TMEM132B: variants seen among roughly 807,000 people sequenced by gnomAD.
TMEM132B encodes transmembrane protein 132B.
In TMEM132B, 18 loss-of-function variants were observed where a neutral mutation model predicts 90.8. That is an observed-to-expected ratio of 0.20 (90% CI 0.14 to 0.29). The LOEUF is 0.29. TMEM132B is among the 10% of genes least tolerant of loss of function. The pLI, the probability that TMEM132B is intolerant of heterozygous loss-of-function variation, is 1.00. For synonymous variants in TMEM132B, 504 were observed against 523.3 expected, an observed-to-expected ratio of 0.96 and a Z score of 0.50; for missense variants, 1,096 against 1,326.8, an observed-to-expected ratio of 0.83 and a Z score of 2.70.
At chr12:125,634,537 C>T (rs1886438130) in intron 5 of TMEM132B, among the ~76,000 whole-genome samples, 1 of 152,212 alleles carries the variant, frequency 6.6e-6, no homozygotes, top group Admixed American at 6.5e-5. Flanking sequence ...TGAGTTTCAC[C>T]TGAAGCCAGC....
intron 2 of TMEM132B, among the ~76,000 whole-genome samples, chr12:125,371,793 A>G (rs1878298982): frequency 6.6e-6 from 1 of 152,200 alleles, no homozygotes; most frequent in African/African-American, 2.4e-5. Flanking sequence ...CAGAGATGCA[A>G]GCTGCACTTT....
At chr12:125,609,502 G>A (rs79445200) in intron 5 of TMEM132B, among the ~76,000 whole-genome samples, 1 of 151,688 alleles carries the variant, frequency 6.6e-6, no homozygotes, top group Non-Finnish European at 1.5e-5. Flanking sequence ...TTGGGGGGTG[G>A]TATTGCCACC....
rs538628349 is a variant in TMEM132B, at chr12:125,445,754, C to T, written c.1106+30077C>T. Among the ~76,000 whole-genome samples, 2 of 152,300 alleles carry T rather than the reference C, an allele frequency of 1.3e-5. No individual in the cohort carries two copies. Among genetic ancestry groups the T allele is most frequent in the Admixed American group, 1.3e-4 (2 of 15,308 alleles). On this transcript the variant is annotated intron_variant, in intron 3 of 8. Coordinates refer to ENST00000682704, the MANE Select transcript of TMEM132B (RefSeq NM_001366854.1). This position sits in a 1 kb window ranked among gnomAD's most constrained non-coding sequence, Gnocchi z 4.3. ...CCTTGTGCTGCCCTGACACCCTCTGCTTACCCCACCAGCCTGCACCGCGGA... is the reference window on the plus strand; with the variant it reads ...CCTTGTGCTGCCCTGACACCCTCTGTTTACCCCACCAGCCTGCACCGCGGA...
At chr12:125,543,703 A>T (rs549807797) in intron 4 of TMEM132B, among the ~76,000 whole-genome samples, 2 of 152,326 alleles carry the variant, frequency 1.3e-5, no homozygotes, top group East Asian at 1.9e-4. Context: ...TAAACATCAG[A>T]TGCTGGCGAG....
At chr12:125,439,145 T>TC (rs959239519) in intron 3 of TMEM132B, among the ~76,000 whole-genome samples, 14 of 115,418 alleles carry the variant, frequency 1.2e-4, no homozygotes, top group Non-Finnish European at 1.8e-4. Flanking sequence ...CTGTTCAGGC[T>TC]CTTTTTTTTT....
chr12:125,187,186 C>T (rs148637702), intron 1 of TMEM132B, among the ~76,000 whole-genome samples: 1 of 152,340 alleles, frequency 6.6e-6, no homozygotes, highest in East Asian at 1.9e-4. Context: ...CCCCGCCCTG[C>T]CTTGGGCCAA....
chr12:125,606,502 CAT>C (rs1362145553), intron 5 of TMEM132B, among the ~76,000 whole-genome samples: 2 of 152,188 alleles, frequency 1.3e-5, no homozygotes, highest in Non-Finnish European at 2.9e-5. Context: ...CCAGAATGCA[CAT>C]GTGTGCATGT....
intron 2 of TMEM132B, among the ~76,000 whole-genome samples, chr12:125,405,182 G>A (rs1879430216): frequency 6.6e-6 from 1 of 152,220 alleles, no homozygotes; most frequent in African/African-American, 2.4e-5. Context: ...GATGTCCGTA[G>A]GGTTGAGAAA....
At chr12:125,503,605 G>A (rs974344261) in intron 3 of TMEM132B, among the ~76,000 whole-genome samples, 3 of 152,214 alleles carry the variant, frequency 2.0e-5, no homozygotes, top group Non-Finnish European at 4.4e-5. Context: ...GTGTGAACTC[G>A]ATGTCCCTTT....
chr12:125,397,580 T>C (rs1328532491), intron 2 of TMEM132B, among the ~76,000 whole-genome samples: 1 of 152,176 alleles, frequency 6.6e-6, no homozygotes, highest in Non-Finnish European at 1.5e-5. Context: ...TCCTGCCAAG[T>C]GTTGGTCATG....
Position 125,658,049 on chromosome 12 carries a change from C to T in TMEM132B, c.*3339C>T, listed in dbSNP as rs1887111638. ...ATAGAAGGTTACCCTGGAAAAACAA[C>T]ACCTAGCAAACCTCAGAATACTCCA... On this transcript the variant is annotated 3_prime_UTR_variant, in exon 9 of 9. Coordinates refer to ENST00000682704, the MANE Select transcript of TMEM132B (RefSeq NM_001366854.1). 1 of 152,222 alleles carries T rather than the reference C, an allele frequency of 6.6e-6. No individual in the cohort carries two copies. The highest frequency in any genetic ancestry group is 1.5e-5 in the Non-Finnish European group (1 of 68,054). The allele number at this position is 152,222 out of a possible 1,614,324, so 9.4% of individuals were successfully genotyped here. A position where few individuals can be genotyped will look rare whatever the true frequency, so the allele number is the denominator to read the frequency against.
At chr12:125,193,407 CTCCAGGGCTTGTGT>C (rs1236985090) in intron 1 of TMEM132B, among the ~76,000 whole-genome samples, 1 of 152,186 alleles carries the variant, frequency 6.6e-6, no homozygotes. Flanking sequence ...TGCCTGTGAT[CTCCAGGGCTTGTGT>C]TCTAGGGCAG....
chr12:125,553,764 C>T (rs1229055593), intron 4 of TMEM132B, among the ~76,000 whole-genome samples: 1 of 152,234 alleles, frequency 6.6e-6, no homozygotes, highest in African/African-American at 2.4e-5. Flanking sequence ...ATTTGCTAAT[C>T]TCCCTTTGTA....
Position 125,660,461 on chromosome 12 carries a change from TC to T in TMEM132B, c.*5753del, listed in dbSNP as rs1887183791. ...CATTTGAAATTTTTTGGTATTGAAATCCTTAATGCCTGTTAGTTTCTTTATG... is the reference window on the plus strand; with the variant it reads ...CATTTGAAATTTTTTGGTATTGAAATCTTAATGCCTGTTAGTTTCTTTATG... On this transcript the variant is annotated 3_prime_UTR_variant, in exon 9 of 9. Coordinates refer to ENST00000682704, the MANE Select transcript of TMEM132B (RefSeq NM_001366854.1). The T allele has an allele frequency of 6.6e-6, 1 of 152,206 alleles. No homozygotes were observed. Among genetic ancestry groups the T allele is most frequent in the African/African-American group, 2.4e-5 (1 of 41,458 alleles). The allele number at this position is 152,206 out of a possible 1,614,324, so 9.4% of individuals were successfully genotyped here. A position where few individuals can be genotyped will look rare whatever the true frequency, so the allele number is the denominator to read the frequency against.
chr12:125,573,183 A>G (rs573474966), intron 4 of TMEM132B, among the ~76,000 whole-genome samples: 2 of 152,280 alleles, frequency 1.3e-5, no homozygotes, highest in South Asian at 4.1e-4. Flanking sequence ...GGGGTGTTAT[A>G]TCTAAGCCCT....
chr12:125,436,381 C>T lies in TMEM132B; in HGVS notation c.1106+20704C>T, dbSNP rs898584461. Among the ~76,000 whole-genome samples the T allele has an allele frequency of 8.5e-5, 13 of 152,078 alleles. No individual in the cohort carries two copies. In the South Asian group the frequency reaches 1.5e-3, roughly 17 times the overall value. On this transcript the variant is annotated intron_variant, in intron 3 of 8. Coordinates refer to ENST00000682704, the MANE Select transcript of TMEM132B (RefSeq NM_001366854.1). ...TGGAATCGTACCTCTTCCCCTGTAC[C>T]ACACACACAGGCTTATTTGGAAACA...
At chr12:125,520,902 T>C (rs1883290918) in intron 4 of TMEM132B, among the ~76,000 whole-genome samples, 1 of 152,216 alleles carries the variant, frequency 6.6e-6, no homozygotes, top group African/African-American at 2.4e-5. Flanking sequence ...CATTTAGTTT[T>C]TGAAGATTAG....
At chr12:125,314,787 C>T (rs1876218984) in intron 1 of TMEM132B, among the ~76,000 whole-genome samples, 1 of 152,166 alleles carries the variant, frequency 6.6e-6, no homozygotes, top group Non-Finnish European at 1.5e-5. Context: ...TCTAGGTTGC[C>T]TGGCCTGTTC....
chr12:125,515,347 C>G (rs773607361), intron 3 of TMEM132B, among the ~76,000 whole-genome samples: 1 of 150,950 alleles, frequency 6.6e-6, no homozygotes, highest in Non-Finnish European at 1.5e-5. Flanking sequence ...TTCTGTCACA[C>G]TCACACACAC....
Sources: allele counts gnomAD v4.1 joint callset (sites outside exome capture counted in the v4.1 genomes callset), GRCh38; gene constraint gnomAD v4.1.1; non-coding constraint Gnocchi (gnomAD v3.1); transcripts MANE v1.5; gene names NCBI Gene and HGNC (gene_info 2026-07-23, HGNC 2026-07-21).